The following KLHL33 variants were observed in gnomAD, a reference collection of about 807,000 sequenced individuals.
KLHL33 encodes the protein kelch like family member 33.
Under a neutral mutation model 60.8 loss-of-function variants are expected in KLHL33, and 46 were observed. That is an observed-to-expected ratio of 0.76 (90% confidence interval 0.60 to 0.97). KLHL33 has a LOEUF of 0.97. KLHL33 is among the 50% of genes least tolerant of loss of function. The pLI is 0.00. For missense variants in KLHL33, 1,055 were observed against 1,000.0 expected, an observed-to-expected ratio of 1.05 and a Z score of -0.74; for synonymous variants, 434 against 432.2, an observed-to-expected ratio of 1.00 and a Z score of -0.05.
In KLHL33 at chr14:20,429,902, G is replaced by A. The variant is rs199615190; in HGVS notation, c.1566C>T (p.Ala522=). The change falls in exon 3 of 5, where the codon GCC becomes GCT. Residue 522 remains alanine (A), a synonymous_variant. Coordinates refer to ENST00000636854, the MANE Select transcript of KLHL33 (RefSeq NM_001365790.2). Reference sequence around the variant, plus strand: ...CAGCCCCATGCCGGAAGCGTCCGGGGGCAGGCAGGGCAGGCAGCTGCCCCC... The same window carrying A: ...CAGCCCCATGCCGGAAGCGTCCGGGAGCAGGCAGGGCAGGCAGCTGCCCCC... ...VEWGQLPALP[A]PGRFRHGAAS... is the part of the protein sequence containing the mutation. The A allele has an allele frequency of 3.2e-6, 5 of 1,551,774 alleles. No homozygotes were observed. Among genetic ancestry groups the A allele is most frequent in the Non-Finnish European group, 4.4e-6 (5 of 1,147,034 alleles).
rs1227866846 is a variant in KLHL33, at chr14:20,429,818, G to A, written c.1650C>T (p.Ser550=). The A allele has an allele frequency of 3.2e-6, 5 of 1,544,502 alleles. No homozygotes were observed. The highest frequency in any genetic ancestry group is 1.2e-5 in the South Asian group (1 of 83,010). ...VCGGQDFYSH[S]NTLASTLRWE... ...ACCTGAGAGTTGAAGCCAGGGTGTT[G>A]GAGTGACTGTAGAAATCTTGTCCCC... The change falls in exon 3 of 5, where the codon TCC becomes TCT. Residue 550 remains serine (S), a synonymous_variant. Transcript: ENST00000636854.
At position 20,427,198 on chromosome 14, in the gene KLHL33, A is replaced by T. The variant is rs552955621; in HGVS notation, c.*1651T>A. ...TAAAGTATAATAATAATAAAATAAAATAAATTAAAAAAAAAAAAAGAAAAA... is the reference window on the plus strand; with the variant it reads ...TAAAGTATAATAATAATAAAATAAATTAAATTAAAAAAAAAAAAAGAAAAA... On this transcript the variant is annotated 3_prime_UTR_variant, in exon 5 of 5. Coordinates refer to ENST00000636854, the MANE Select transcript of KLHL33 (RefSeq NM_001365790.2). The T allele has an allele frequency of 6.3e-4, 94 of 148,860 alleles. No homozygotes were observed. The highest frequency in any genetic ancestry group is 1.8e-3 in the African/African-American group (71 of 39,356). The allele number at this position is 148,860 out of a possible 1,614,324, so 9.2% of individuals were successfully genotyped here.
intron 2 of KLHL33, among the ~76,000 whole-genome samples, chr14:20,432,005 G>A (rs1286462634): frequency 6.6e-6 from 1 of 152,070 alleles, no homozygotes; most frequent in Non-Finnish European, 1.5e-5. Context: ...ACTTGAATCT[G>A]TTCAACTCTT....
Position 20,429,235 on chromosome 14 carries a change from C to A in KLHL33, c.2008G>T (p.Val670Leu), listed in dbSNP as rs1412668290. 1.0e-5 allele frequency: 16 copies of A among 1,551,636 alleles called. No homozygotes were observed. The Admixed American group carries it at 3.1e-4, about 30-fold the overall frequency. Residue 670 changes from valine to leucine, a missense_variant, in exon 5 of 5, where the codon GTA (valine) becomes TTA (leucine). By Grantham distance (32) the Val-to-Leu change is conservative. Transcript: ENST00000636854. ...GCCATGACATGGCCAGCCCGAGGTA[C>A]CCCCATAGGGCTCAGAAACGTCCCT... is the stretch of plus-strand genomic sequence containing the variant. Reference protein sequence around the residue: ...KPGTFLSPMGVPRAGHVMAAL... With the variant: ...KPGTFLSPMGLPRAGHVMAAL...
In KLHL33 at chr14:20,428,627, C is replaced by T. The variant is rs2139262285; in HGVS notation, c.*222G>A. Reference sequence around the variant, plus strand: ...GTTGCTCCCGAGTCTCCTTTCCTCACCTGGGTATTCAGCTGCCTCCCCTTT... The same window carrying T: ...GTTGCTCCCGAGTCTCCTTTCCTCATCTGGGTATTCAGCTGCCTCCCCTTT... On this transcript the variant is annotated 3_prime_UTR_variant, in exon 5 of 5. Transcript: ENST00000636854. The T allele has an allele frequency of 3.7e-6, 2 of 539,022 alleles. No homozygotes were observed. Among genetic ancestry groups the T allele is most frequent in the Non-Finnish European group, 6.6e-6 (2 of 303,648 alleles). 33.4% of individuals were successfully genotyped at this position (539,022 alleles called of 1,614,324 possible).
rs772510197 is a variant in KLHL33, at chr14:20,427,778, G to C, written c.*1071C>G. The C allele has an allele frequency of 1.3e-5, 2 of 152,290 alleles. No individual in the cohort carries two copies. The highest frequency in any genetic ancestry group is 1.5e-5 in the Non-Finnish European group (1 of 68,108). 9.4% of individuals were successfully genotyped at this position (152,290 alleles called of 1,614,324 possible). On this transcript the variant is annotated 3_prime_UTR_variant, in exon 5 of 5. Transcript: ENST00000636854. Reference sequence around the variant, plus strand: ...AGGTAATTAATAACTGTGTGAGGGAGAAAGAAGAGAAAGAAAAAAGAGAGG... The same window carrying C: ...AGGTAATTAATAACTGTGTGAGGGACAAAGAAGAGAAAGAAAAAAGAGAGG...
chr14:20,432,957 A>AGAAAGAAAGAAAGAAG (rs1320715664), intron 2 of KLHL33, among the ~76,000 whole-genome samples: 1 of 151,590 alleles, frequency 6.6e-6, no homozygotes, highest in Non-Finnish European at 1.5e-5. Context: ...AAAGAAAGAA[A>AGAAAGAAAGAAAGAAG]GAAAGAAAGA....
Position 20,426,565 on chromosome 14 carries a change from C to T in KLHL33, c.*2284G>A, listed in dbSNP as rs1880278639. 1 of 149,734 alleles carries T rather than the reference C, an allele frequency of 6.7e-6. No individual in the cohort carries two copies. The highest frequency in any genetic ancestry group is 2.5e-5 in the African/African-American group (1 of 40,630). The allele number at this position is 149,734 out of a possible 1,614,324, so 9.3% of individuals were successfully genotyped here. Reference sequence around the variant, plus strand: ...TGGAGAGGATGTGGAGAAATAGGAACACTTTTACACTGTTGGTGGGACTGT... The same window carrying T: ...TGGAGAGGATGTGGAGAAATAGGAATACTTTTACACTGTTGGTGGGACTGT... On this transcript the variant is annotated 3_prime_UTR_variant, in exon 5 of 5. Coordinates refer to ENST00000636854, the MANE Select transcript of KLHL33 (RefSeq NM_001365790.2).
In KLHL33 at chr14:20,435,196, T is replaced by C; in HGVS notation, c.616A>G (p.Asn206Asp). 1.6e-6 allele frequency: 2 copies of C among 1,234,352 alleles called. No individual in the cohort carries two copies. Among genetic ancestry groups the C allele is most frequent in the Middle Eastern group, 2.1e-4 (1 of 4,838 alleles). The allele number at this position is 1,234,352 out of a possible 1,614,324, so 76.5% of individuals were successfully genotyped here. ...AAQQTCERAG[N>D]AREDVKKPSQ... ...GGCTTCTTTACATCTTCCCTGGCATTTCCAGCCCTCTCGCATGTCTGCTGG... is the reference window on the plus strand; with the variant it reads ...GGCTTCTTTACATCTTCCCTGGCATCTCCAGCCCTCTCGCATGTCTGCTGG... The change falls in exon 2 of 5, where the codon AAT becomes GAT. Residue 206 changes from asparagine (N) to aspartate (D), a missense_variant. Coordinates refer to ENST00000636854, the MANE Select transcript of KLHL33 (RefSeq NM_001365790.2).
rs147027542 is a variant in KLHL33, at chr14:20,429,844, C to T, written c.1624G>A (p.Gly542Arg). Reference protein sequence around the residue: ...SLAGSELYVCGGQDFYSHSNT... With the variant: ...SLAGSELYVCRGQDFYSHSNT... ...GAGTGACTGTAGAAATCTTGTCCCC[C>T]ACACACATAGAGTTCACTTCCTGCC... The change falls in exon 3 of 5, where the codon GGG (glycine) becomes AGG (arginine). Residue 542 changes from glycine to arginine, a missense_variant. Gly to Arg is a moderately radical substitution (Grantham distance 125, BLOSUM62 -2). Transcript: ENST00000636854. 159 of 1,550,652 alleles carry T rather than the reference C, an allele frequency of 1.0e-4. No individual in the cohort carries two copies. The East Asian group carries it at 3.1e-3, about 30-fold the overall frequency.
In KLHL33 at chr14:20,426,925, C is replaced by T. The variant is rs1241839205; in HGVS notation, c.*1924G>A. The T allele has an allele frequency of 2.7e-5, 4 of 146,894 alleles. No individual in the cohort carries two copies. The highest frequency in any genetic ancestry group is 2.1e-4 in the South Asian group (1 of 4,710). The allele number at this position is 146,894 out of a possible 1,614,324, so 9.1% of individuals were successfully genotyped here. A position where few individuals can be genotyped will look rare whatever the true frequency, so the allele number is the denominator to read the frequency against. ...GAAATCATCATTCTCAGTAAACTATCGCAAGGACAAAAAAACCAAACACCG... is the reference window on the plus strand; with the variant it reads ...GAAATCATCATTCTCAGTAAACTATTGCAAGGACAAAAAAACCAAACACCG... On this transcript the variant is annotated 3_prime_UTR_variant, in exon 5 of 5. Transcript: ENST00000636854.
chr14:20,429,451 C>CTTCT (rs1594396400), intron 4 of KLHL33, 50 bp from the exon 5 acceptor site: 1 of 1,550,154 alleles, frequency 6.5e-7, no homozygotes, highest in African/African-American at 1.4e-5. Context: ...TTCAACTCTC[C>CTTCT]TTCTATTCCA....
intron 2 of KLHL33, 39 bp downstream of exon 2, chr14:20,435,025 T>A: frequency 8.1e-7 from 1 of 1,231,828 alleles, no homozygotes; most frequent in South Asian, 4.1e-5. Context: ...TCCGTTAGCA[T>A]ATGCACCTGC....
In KLHL33 at chr14:20,435,133, T is replaced by C. The variant is rs1880643991; in HGVS notation, c.679A>G (p.Ile227Val). The C allele has an allele frequency of 8.1e-7, 1 of 1,234,320 alleles. No individual in the cohort carries two copies. The highest frequency in any genetic ancestry group is 1.0e-6 in the Non-Finnish European group (1 of 988,184). 76.5% of individuals were successfully genotyped at this position (1,234,320 alleles called of 1,614,324 possible). ...AEELRENLRG[I>V]ELLYREGVGC... ...ACGCCCTCTCGGTAGAGGAGCTCGA[T>C]TCCGCGCAGGTTCTCCCTCAGCTCC... The change falls in exon 2 of 5, where the codon ATC becomes GTC. Residue 227 changes from isoleucine (I) to valine (V), a missense_variant. Physicochemically the swap from Ile to Val is conservative, Grantham distance 29 (BLOSUM62 3). Transcript: ENST00000636854.
chr14:20,435,204 C>T lies in KLHL33; in HGVS notation c.608G>A (p.Arg203Lys). 1 of 1,234,478 alleles carries T rather than the reference C, an allele frequency of 8.1e-7. No homozygotes were observed. The highest frequency in any genetic ancestry group is 3.2e-5 in the East Asian group (1 of 31,688). The allele number at this position is 1,234,478 out of a possible 1,614,324, so 76.5% of individuals were successfully genotyped here. ...VKAAAQQTCE[R>K]AGNAREDVKK... ...TACATCTTCCCTGGCATTTCCAGCC[C>T]TCTCGCATGTCTGCTGGGCAGCAGC... The change falls in exon 2 of 5, where the codon AGG (arginine) becomes AAG (lysine). Residue 203 changes from arginine to lysine, a missense_variant. By Grantham distance (26) the Arg-to-Lys change is conservative. Coordinates refer to ENST00000636854, the MANE Select transcript of KLHL33 (RefSeq NM_001365790.2).
intron 2 of KLHL33, among the ~76,000 whole-genome samples, chr14:20,434,600 A>G (rs143218009): frequency 2.0e-5 from 3 of 151,704 alleles, no homozygotes; most frequent in Non-Finnish European, 4.4e-5. Flanking sequence ...GACCTTGCTC[A>G]TTAGCTGCAG....
Position 20,430,289 on chromosome 14 carries a change from A to T in KLHL33, c.1179T>A (p.His393Gln), listed in dbSNP as rs1190320451. 5.2e-6 allele frequency: 8 copies of T among 1,551,796 alleles called. No individual in the cohort carries two copies. The highest frequency in any genetic ancestry group is 7.0e-6 in the Non-Finnish European group (8 of 1,147,004). Reference sequence around the variant, plus strand: ...CAAAGGCCTCAAACTCCTCCTGCACATGGAGCTCATCACTATCCAGGAGCT... The same window carrying T: ...CAAAGGCCTCAAACTCCTCCTGCACTTGGAGCTCATCACTATCCAGGAGCT... ...LAELLDSDEL[H>Q]VQEEFEAFVA... is the part of the protein sequence containing the mutation. Residue 393 changes from histidine (H) to glutamine (Q), a missense_variant, in exon 3 of 5, where the codon CAT becomes CAA. His to Gln is a conservative substitution (Grantham distance 24, BLOSUM62 0). Transcript: ENST00000636854.
In KLHL33 at chr14:20,428,806, T is replaced by C; in HGVS notation, c.*43A>G. The C allele has an allele frequency of 6.8e-7, 1 of 1,468,112 alleles. No homozygotes were observed. Among genetic ancestry groups the C allele is most frequent in the Non-Finnish European group, 9.2e-7 (1 of 1,082,670 alleles). 90.9% of individuals were successfully genotyped at this position (1,468,112 alleles called of 1,614,324 possible). A position where few individuals can be genotyped will look rare whatever the true frequency, so the allele number is the denominator to read the frequency against. ...CACAATCTCTGTCCTTCTCTCAGGC[T>C]ATTTCTTATGCCCTCCTCTCCCCAT... On this transcript the variant is annotated 3_prime_UTR_variant, in exon 5 of 5. Transcript: ENST00000636854.
In KLHL33 at chr14:20,426,974, A is replaced by T. The variant is rs1290512005; in HGVS notation, c.*1875T>A. On this transcript the variant is annotated 3_prime_UTR_variant, in exon 5 of 5. Coordinates refer to ENST00000636854, the MANE Select transcript of KLHL33 (RefSeq NM_001365790.2). Reference sequence around the variant, plus strand: ...CGCATGTTCTCACTCATAGGTGGGAATTGAACAATGAGAACACGTGGACAC... The same window carrying T: ...CGCATGTTCTCACTCATAGGTGGGATTTGAACAATGAGAACACGTGGACAC... 1.4e-5 allele frequency: 2 copies of T among 143,180 alleles called. No individual in the cohort carries two copies. Among genetic ancestry groups the T allele is most frequent in the African/African-American group, 5.1e-5 (2 of 39,024 alleles). The allele number at this position is 143,180 out of a possible 1,614,324, so 8.9% of individuals were successfully genotyped here.
Sources: allele counts gnomAD v4.1 joint callset (sites outside exome capture counted in the v4.1 genomes callset), GRCh38; gene constraint gnomAD v4.1.1; transcripts MANE v1.5; gene names NCBI Gene and HGNC (gene_info 2026-07-23, HGNC 2026-07-21).